The following ABCA6 variants were observed in gnomAD, a reference collection of about 807,000 sequenced individuals.
The protein encoded by ABCA6 is ATP-binding cassette sub-family A member 6.
In ABCA6, 164 loss-of-function variants were observed where a neutral mutation model predicts 191.2. The observed-to-expected ratio is 0.86, with a 90% CI of 0.76 to 0.98. ABCA6 has a LOEUF of 0.98. ABCA6 is among the 50% of genes least tolerant of loss of function. The probability of loss-of-function intolerance (pLI) is 0.00; values close to 1 mark genes in which losing one functional copy is unlikely to be tolerated. For missense variants in ABCA6, 1,958 were observed against 1,894.1 expected, an observed-to-expected ratio of 1.03 and a Z score of -0.63; for synonymous variants, 636 against 647.7, an observed-to-expected ratio of 0.98 and a Z score of 0.27.
intron 26 of ABCA6, 88 bp from the exon 27 acceptor site, chr17:69,089,630 G>A: frequency 1.8e-6 from 2 of 1,132,360 alleles, no homozygotes; most frequent in South Asian, 1.5e-5. Flanking sequence ...TTCACATATT[G>A]AATATTTTCC....
At position 69,124,919 on chromosome 17, in the gene ABCA6, T is replaced by C. The variant is rs148967665; in HGVS notation, c.1236A>G (p.Leu412=). The C allele has an allele frequency of 5.2e-4, 814 of 1,574,072 alleles. No individual in the cohort carries two copies. The highest frequency in any genetic ancestry group is 6.5e-4 in the Non-Finnish European group (749 of 1,160,810). The change falls in exon 9 of 39, where the codon CTA becomes CTG. Residue 412 remains leucine, a synonymous_variant. Transcript: ENST00000284425. ...MLLLDGLIYL[L]LALYFDKILP... Reference sequence around the variant, plus strand: ...AAATTTTGTCAAAGTATAATGCCAATAGCAAGTAGATGAGACCATCCAAAA... The same window carrying C: ...AAATTTTGTCAAAGTATAATGCCAACAGCAAGTAGATGAGACCATCCAAAA...
intron 26 of ABCA6, among the ~76,000 whole-genome samples, chr17:69,090,575 T>A (rs2072901567): frequency 6.6e-6 from 1 of 152,216 alleles, no homozygotes; most frequent in African/African-American, 2.4e-5. Flanking sequence ...CTTTGTAACA[T>A]TTAAGTTTCT....
rs753645737 is a variant in ABCA6, at chr17:69,123,362, G to A, written c.1313C>T (p.Ser438Leu). ...HYSPLFFLNS[S>L]SCFQHQRTNA... ...AGTCCTTTGGTGTTGGAAACAAGAT[G>A]ATGAATTCAAGAAAAATAAAGGAGA... Residue 438 changes from serine (S) to leucine (L), a missense_variant, in exon 10 of 39, where the codon TCA (serine) becomes TTA (leucine). Coordinates refer to ENST00000284425, the MANE Select transcript of ABCA6 (RefSeq NM_080284.3). 2 of 1,547,240 alleles carry A rather than the reference G, an allele frequency of 1.3e-6. No individual in the cohort carries two copies. The highest frequency in any genetic ancestry group is 1.8e-6 in the Non-Finnish European group (2 of 1,139,506).
intron 2 of ABCA6, among the ~76,000 whole-genome samples, chr17:69,139,685 T>C (rs1175205079): frequency 1.3e-5 from 2 of 152,032 alleles, no homozygotes; most frequent in Admixed American, 1.3e-4. Context: ...TAGCAAACAC[T>C]TGGAACCAAC....
At position 69,078,958 on chromosome 17, in the gene ABCA6, A is replaced by G; in HGVS notation, c.*15T>C. The G allele has an allele frequency of 6.5e-7, 1 of 1,541,372 alleles. No homozygotes were observed. Among genetic ancestry groups the G allele is most frequent in the Non-Finnish European group, 8.8e-7 (1 of 1,130,678 alleles). On this transcript the variant is annotated 3_prime_UTR_variant, in exon 39 of 39. Coordinates refer to ENST00000284425, the MANE Select transcript of ABCA6 (RefSeq NM_080284.3). ...GTTTATAGGAGATCAACAAAAAATT[A>G]CTAGGTTTGAGGTTTTAAGGTTCAT...
At chr17:69,093,168 T>G (rs2144628613) in intron 25 of ABCA6, among the ~76,000 whole-genome samples, 1 of 152,248 alleles carries the variant, frequency 6.6e-6, no homozygotes, top group East Asian at 1.9e-4. Context: ...TTACTAAATT[T>G]TTTCCTCTAT....
chr17:69,114,845 G>A lies in ABCA6; in HGVS notation c.1699C>T (p.Gln567Ter). 4.3e-6 allele frequency: 7 copies of A among 1,612,584 alleles called. No homozygotes were observed. Among genetic ancestry groups the A allele is most frequent in the African/African-American group, 1.3e-5 (1 of 74,868 alleles). ...ITGVCPQFNV[Q>*]FDILTVKENL... ...TCCTTCACGGTGAGTATGTCAAATT[G>A]AACATTGAATTGAGGACAGACGCCA... The change falls in exon 13 of 39, where the codon CAA becomes TAA. Residue 567 changes from glutamine to a stop codon, truncating the protein, a stop_gained. Transcript: ENST00000284425. LOFTEE classifies it high-confidence loss of function.
chr17:69,083,887 A>T (rs899300158), intron 34 of ABCA6, among the ~76,000 whole-genome samples: 1 of 152,216 alleles, frequency 6.6e-6, no homozygotes, highest in African/African-American at 2.4e-5. Flanking sequence ...AGGTCACATT[A>T]AAAAGGAAAA....
chr17:69,094,146 A>T (rs1346315914), intron 25 of ABCA6: 6 of 152,210 alleles, frequency 3.9e-5, no homozygotes, highest in Non-Finnish European at 8.8e-5. Context: ...AATTTTTTCA[A>T]ATCACAGTGA....
At chr17:69,088,780 C>A (rs917314182) in intron 27 of ABCA6, among the ~76,000 whole-genome samples, 9 of 152,172 alleles carry the variant, frequency 5.9e-5, no homozygotes, top group Admixed American at 2.6e-4. Context: ...TTTCTCCTGA[C>A]CTCTCGCTTT....
intron 36 of ABCA6, among the ~76,000 whole-genome samples, chr17:69,082,261 G>A (rs887557928): frequency 6.6e-6 from 1 of 151,430 alleles, no homozygotes; most frequent in African/African-American, 2.4e-5. Context: ...ATCTCTCCAC[G>A]GGAATTTCAA....
At chr17:69,108,226 T>C in intron 17 of ABCA6, 1 of 162,494 alleles carries the variant, frequency 6.2e-6, no homozygotes, top group Non-Finnish European at 1.3e-5. Context: ...TAACACAACC[T>C]CTGAGGCTCC....
chr17:69,091,211 T>A lies in ABCA6; in HGVS notation c.3460A>T (p.Ile1154Leu), dbSNP rs749714840. ...ITLINHFDLS[I>L]LITTMVLVPS... Reference sequence around the variant, plus strand: ...ACCAATACCATGGTGGTAATCAATATACTTAGGTCAAAATGATTGATTAAA... The same window carrying A: ...ACCAATACCATGGTGGTAATCAATAAACTTAGGTCAAAATGATTGATTAAA... Residue 1154 changes from isoleucine to leucine, a missense_variant, in exon 26 of 39, where the codon ATA becomes TTA. Physicochemically the swap from Ile to Leu is conservative, Grantham distance 5 (BLOSUM62 2). Transcript: ENST00000284425. 2.0e-5 allele frequency: 32 copies of A among 1,611,848 alleles called. No homozygotes were observed. Among genetic ancestry groups the A allele is most frequent in the Non-Finnish European group, 2.6e-5 (31 of 1,179,292 alleles).
At chr17:69,114,610 C>A in intron 13 of ABCA6, 152 bp downstream of exon 13, 1 of 648,974 alleles carries the variant, frequency 1.5e-6, no homozygotes, top group Non-Finnish European at 2.5e-6. Context: ...GCAATTTTAA[C>A]CACTCATTAA....
At chr17:69,116,166 C>T (rs536628081) in intron 11 of ABCA6, among the ~76,000 whole-genome samples, 20 of 152,092 alleles carry the variant, frequency 1.3e-4, no homozygotes, top group African/African-American at 3.9e-4. Flanking sequence ...GCAAAGTATA[C>T]GGTGTTTTCC....
intron 11 of ABCA6, among the ~76,000 whole-genome samples, chr17:69,117,587 C>T (rs981638264): frequency 3.3e-5 from 5 of 151,932 alleles, no homozygotes; most frequent in Non-Finnish European, 5.9e-5. Flanking sequence ...TATCAGATTT[C>T]AGTCTAGATG....
At chr17:69,124,647 G>A (rs1200370378) in intron 9 of ABCA6, among the ~76,000 whole-genome samples, 1 of 151,696 alleles carries the variant, frequency 6.6e-6, no homozygotes, top group African/African-American at 2.4e-5. Flanking sequence ...ACAATTACAA[G>A]ATGTATTATA....
chr17:69,091,735 G>A (rs1463806112), intron 25 of ABCA6, among the ~76,000 whole-genome samples: 1 of 23,194 alleles, frequency 4.3e-5, no homozygotes, highest in Admixed American at 3.3e-4. Context: ...TTTTAGCCGG[G>A]ATGGTCTCGA....
intron 7 of ABCA6, among the ~76,000 whole-genome samples, chr17:69,129,186 G>T (rs1399979447): frequency 6.6e-6 from 1 of 152,128 alleles, no homozygotes; most frequent in East Asian, 1.9e-4. Context: ...CTTGTTCAGA[G>T]AAGGCAGAGC....
Sources: gnomAD v4.1 joint callset for allele counts (sites outside exome capture counted in the v4.1 genomes callset) on GRCh38, gnomAD v4.1.1 for gene constraint, MANE v1.5 for transcripts, NCBI Gene and HGNC (gene_info 2026-07-23, HGNC 2026-07-21) for gene names.